CTNNA2: variants seen among roughly 807,000 people sequenced by gnomAD.
The protein encoded by CTNNA2 is catenin alpha-2.
CTNNA2 carries 42 observed loss-of-function variants against 101.0 expected under a neutral mutation model. The ratio of observed to expected loss-of-function variants is 0.42; its 90% CI spans 0.32 to 0.54. The LOEUF (loss-of-function observed/expected upper bound fraction) is 0.54. CTNNA2 is among the 20% of genes least tolerant of loss of function. CTNNA2 has a pLI of 0.14. For missense variants in CTNNA2, 871 were observed against 1,223.1 expected, an observed-to-expected ratio of 0.71 and a Z score of 4.29; for synonymous variants, 450 against 456.4, an observed-to-expected ratio of 0.99 and a Z score of 0.18.
At chr2:80,162,810 A>C in intron 7 of CTNNA2, 1 of 1,593,130 alleles carries the variant, frequency 6.3e-7, no homozygotes, top group African/African-American at 1.3e-5. Flanking sequence ...ACTGTTCATC[A>C]CTGCTTGTCT....
chr2:80,100,032 C>G (rs1309200230), intron 7 of CTNNA2, among the ~76,000 whole-genome samples: 2 of 152,104 alleles, frequency 1.3e-5, no homozygotes, highest in African/African-American at 4.8e-5. Context: ...CAGATTCAAG[C>G]AATTCTCCTG....
At chr2:80,196,527 T>C (rs1706844655) in intron 7 of CTNNA2, among the ~76,000 whole-genome samples, 1 of 152,214 alleles carries the variant, frequency 6.6e-6, no homozygotes, top group Non-Finnish European at 1.5e-5. Flanking sequence ...TATTTTGCTT[T>C]ACCCATACCA....
chr2:79,863,238 A>G (rs1681766867), intron 4 of CTNNA2, among the ~76,000 whole-genome samples: 2 of 152,288 alleles, frequency 1.3e-5, no homozygotes, highest in South Asian at 4.1e-4. Context: ...GGATAACAGA[A>G]TATGCTAATT....
chr2:80,200,121 G>A (rs1400842909), intron 7 of CTNNA2, among the ~76,000 whole-genome samples: 1 of 152,188 alleles, frequency 6.6e-6, no homozygotes, highest in Non-Finnish European at 1.5e-5. Flanking sequence ...GAAGAAAATT[G>A]AATCGGCACC....
intron 2 of CTNNA2, among the ~76,000 whole-genome samples, chr2:79,258,871 A>G (rs12994504): frequency 2.7e-5 from 4 of 146,938 alleles, no homozygotes; most frequent in South Asian, 4.4e-4. Context: ...AAAAAAAAAA[A>G]GGCAAACGAA....
At position 80,415,109 on chromosome 2, in the gene CTNNA2, G is replaced by A. The variant is rs139381289; in HGVS notation, c.1138-4340G>A. ...CTAATAAACTTCAAAATGTACAAAGGCTCCGAACAGCAGAATTACATTTCT... is the reference window on the plus strand; with the variant it reads ...CTAATAAACTTCAAAATGTACAAAGACTCCGAACAGCAGAATTACATTTCT... On this transcript the variant is annotated intron_variant, in intron 8 of 18. Transcript: ENST00000402739. Among the ~76,000 whole-genome samples the A allele has an allele frequency of 1.2e-3, 178 of 152,264 alleles. 4 individuals are homozygous for A. The highest frequency in any genetic ancestry group is 4.1e-3 in the African/African-American group (170 of 41,558).
intron 7 of CTNNA2, among the ~76,000 whole-genome samples, chr2:80,108,287 G>A (rs1361133467): frequency 6.6e-6 from 1 of 152,196 alleles, no homozygotes; most frequent in African/African-American, 2.4e-5. Flanking sequence ...ATTGGAAACA[G>A]TTTTGTTCCT....
chr2:79,382,873 CA>C, intron 4 of CTNNA2, among the ~76,000 whole-genome samples: 1 of 152,178 alleles, frequency 6.6e-6, no homozygotes, highest in East Asian at 1.9e-4. Flanking sequence ...CTTGGCCTCC[CA>C]AAGTGCTGGG....
At chr2:80,393,321 A>C (rs1559072129) in intron 8 of CTNNA2, 30 bp downstream of exon 8, 2 of 1,499,536 alleles carry the variant, frequency 1.3e-6, no homozygotes, top group Admixed American at 3.6e-5. Context: ...CTTTAAGTCC[A>C]TGATATTCAG....
intron 2 of CTNNA2, among the ~76,000 whole-genome samples, chr2:79,657,116 G>T (rs1273449253): frequency 6.6e-6 from 1 of 151,722 alleles, no homozygotes; most frequent in East Asian, 1.9e-4. Flanking sequence ...GGAATCACTA[G>T]AATAGAATGC....
At chr2:79,432,239 C>T (rs1678666417) in intron 4 of CTNNA2, among the ~76,000 whole-genome samples, 1 of 152,120 alleles carries the variant, frequency 6.6e-6, no homozygotes, top group Admixed American at 6.5e-5. Flanking sequence ...TTATGATAAA[C>T]CACAACTACA....
chr2:80,376,742 G>C lies in CTNNA2; in HGVS notation c.1057-16469G>C, dbSNP rs552156514. The stretch of plus-strand genomic sequence containing the variant: ...TTCCCTTCGAGGACTCCCCATCAGT[G>C]TGGGGCAGACATGGAAAGCCTGCTG... On this transcript the variant is annotated intron_variant, in intron 7 of 18. Coordinates refer to ENST00000402739, the MANE Select transcript of CTNNA2 (RefSeq NM_001282597.3). 3.3e-5 allele frequency among the ~76,000 whole-genome samples: 5 copies of C among 152,280 alleles called. No homozygotes were observed. The East Asian group carries it at 9.7e-4, about 29-fold the overall frequency.
At chr2:79,905,516 C>G (rs957913560) in intron 6 of CTNNA2, among the ~76,000 whole-genome samples, 1 of 152,190 alleles carries the variant, frequency 6.6e-6, no homozygotes, top group Non-Finnish European at 1.5e-5. Flanking sequence ...GACAGGAAGG[C>G]TTCTCCTCAT....
intron 6 of CTNNA2, among the ~76,000 whole-genome samples, chr2:79,875,731 G>GCTT (rs1682972477): frequency 6.6e-6 from 1 of 151,508 alleles, no homozygotes; most frequent in African/African-American, 2.4e-5. Context: ...ATTTCCTAAG[G>GCTT]TTTTTTTTGT....
At chr2:79,933,558 C>T (rs1338521747) in intron 7 of CTNNA2, among the ~76,000 whole-genome samples, 1 of 151,822 alleles carries the variant, frequency 6.6e-6, no homozygotes, top group African/African-American at 2.4e-5. Context: ...GGGTTCATGC[C>T]ATTCTCCTGC....
At chr2:79,333,847 G>C (rs561639038) in intron 3 of CTNNA2, among the ~76,000 whole-genome samples, 1 of 152,074 alleles carries the variant, frequency 6.6e-6, no homozygotes, top group African/African-American at 2.4e-5. Flanking sequence ...AACTAGAGAT[G>C]ATCTATTTTT....
intron 3 of CTNNA2, among the ~76,000 whole-genome samples, chr2:79,340,713 A>G (rs543947678): frequency 1.3e-5 from 2 of 151,626 alleles, no homozygotes; most frequent in Admixed American, 6.6e-5. Flanking sequence ...AGGCGCCTGT[A>G]GTCCCAGCTA....
intron 1 of CTNNA2, among the ~76,000 whole-genome samples, chr2:79,611,299 G>A (rs149378118): frequency 1.6e-3 from 241 of 152,158 alleles, no homozygotes; most frequent in African/African-American, 5.4e-3. Context: ...ATGTAGCTGG[G>A]CTCCTATTAT....
intron 7 of CTNNA2, among the ~76,000 whole-genome samples, chr2:80,066,324 C>A (rs1028600283): frequency 1.3e-5 from 2 of 152,012 alleles, no homozygotes; most frequent in Admixed American, 1.3e-4. Context: ...TAACCTCTTA[C>A]ATTTGACAAG....
Sources: gnomAD v4.1 joint callset for allele counts (sites outside exome capture counted in the v4.1 genomes callset) on GRCh38, gnomAD v4.1.1 for gene constraint, MANE v1.5 for transcripts, NCBI Gene and HGNC (gene_info 2026-07-23, HGNC 2026-07-21) for gene names.